ARHGAP24: variants seen among roughly 807,000 people sequenced by gnomAD.
The protein encoded by ARHGAP24 is Rho GTPase activating protein 24.
ARHGAP24 carries 50 observed loss-of-function variants against 76.4 expected under a neutral mutation model. The observed-to-expected ratio is 0.65, with a 90% CI of 0.52 to 0.83. ARHGAP24 has a LOEUF of 0.83. Among genes scored for constraint, ARHGAP24 ranks in the 40% least tolerant of loss-of-function variants. ARHGAP24 has a pLI of 0.00. For missense variants in ARHGAP24, 930 were observed against 914.2 expected (o/e 1.02, Z -0.22); for synonymous variants, 345 against 323.3 (o/e 1.07, Z -0.72).
chr4:85,527,800 C>G (rs1194331375), intron 1 of ARHGAP24, among the ~76,000 whole-genome samples: 1 of 152,130 alleles, frequency 6.6e-6, no homozygotes, highest in Non-Finnish European at 1.5e-5. Flanking sequence ...TTAAATGACT[C>G]TTGAAATTTC....
At chr4:85,749,886 C>A (rs1053128625) in intron 3 of ARHGAP24, among the ~76,000 whole-genome samples, 11 of 152,000 alleles carry the variant, frequency 7.2e-5, no homozygotes, top group African/African-American at 2.7e-4. Context: ...ATAGTTTTAA[C>A]CATAGGTTGT....
rs1428929972 is a variant in ARHGAP24, at chr4:85,721,936, G to T, written c.232G>T (p.Glu78Ter). The T allele has an allele frequency of 6.2e-7, 1 of 1,613,544 alleles. No homozygotes were observed. Among genetic ancestry groups the T allele is most frequent in the South Asian group, 1.1e-5 (1 of 91,066 alleles). The change falls in exon 3 of 10, where the codon GAG becomes TAG. Residue 78 changes from glutamate (E) to a stop codon, truncating the protein, a stop_gained. Transcript: ENST00000395184. LOFTEE classifies it high-confidence loss of function. Reference sequence around the variant, plus strand: ...AGTTTCTGAGCATCCCTGCAATGAAGAGAACCCAGGGAAGTTCCTTTTTGA... The same window carrying T: ...AGTTTCTGAGCATCCCTGCAATGAATAGAACCCAGGGAAGTTCCTTTTTGA... ...NKVSEHPCNE[E>*]NPGKFLFEVV...
intron 2 of ARHGAP24, among the ~76,000 whole-genome samples, chr4:85,637,550 T>C (rs907493743): frequency 1.3e-5 from 2 of 152,088 alleles, no homozygotes; most frequent in African/African-American, 4.8e-5. Context: ...TGGGGCTAAC[T>C]GAGCACTTGA....
intron 3 of ARHGAP24, among the ~76,000 whole-genome samples, chr4:85,772,513 G>A (rs1444142313): frequency 1.3e-5 from 2 of 152,096 alleles, no homozygotes; most frequent in Non-Finnish European, 2.9e-5. Flanking sequence ...AACTGAGTTA[G>A]CCTTCAAACT....
chr4:85,648,207 G>A (rs1227262451), intron 2 of ARHGAP24, among the ~76,000 whole-genome samples: 7 of 152,022 alleles, frequency 4.6e-5, no homozygotes, highest in African/African-American at 1.7e-4. Context: ...CGGAGGGGGA[G>A]CTAGGTAGTT....
At chr4:85,808,147 A>C (rs1482791088) in intron 3 of ARHGAP24, among the ~76,000 whole-genome samples, 1 of 152,210 alleles carries the variant, frequency 6.6e-6, no homozygotes, top group Non-Finnish European at 1.5e-5. Context: ...CAATTCGAAA[A>C]AAATATGCTT....
intron 3 of ARHGAP24, among the ~76,000 whole-genome samples, chr4:85,818,407 A>G (rs1172126684): frequency 6.6e-6 from 1 of 152,242 alleles, no homozygotes; most frequent in Non-Finnish European, 1.5e-5. Flanking sequence ...TAACATTAAA[A>G]ATAATTATAC....
At chr4:85,933,850 T>C (rs1273356811) in intron 4 of ARHGAP24, among the ~76,000 whole-genome samples, 2 of 152,170 alleles carry the variant, frequency 1.3e-5, no homozygotes, top group Non-Finnish European at 2.9e-5. Context: ...TCTATCTTGA[T>C]TTTTTCGTGA....
chr4:85,535,557 A>T (rs2110119372), intron 1 of ARHGAP24, among the ~76,000 whole-genome samples: 1 of 152,332 alleles, frequency 6.6e-6, no homozygotes, highest in South Asian at 2.1e-4. Flanking sequence ...AGAATAAGGG[A>T]TGTGATTTGG....
chr4:85,743,908 A>T (rs1578190519), intron 3 of ARHGAP24, among the ~76,000 whole-genome samples: 1 of 152,380 alleles, frequency 6.6e-6, no homozygotes, highest in East Asian at 1.9e-4. Context: ...GAAGTATGGT[A>T]TCAAGACTGA....
chr4:85,561,315 A>G (rs964837), intron 1 of ARHGAP24, among the ~76,000 whole-genome samples: 90,129 of 152,002 alleles, frequency 0.59, 27,895 homozygotes, highest in Non-Finnish European at 0.68. Flanking sequence ...AAGAAATCCA[A>G]TTGCTTCCCA....
chr4:85,533,371 G>A (rs958953859), intron 1 of ARHGAP24, among the ~76,000 whole-genome samples: 4 of 152,006 alleles, frequency 2.6e-5, no homozygotes, highest in South Asian at 2.1e-4. Flanking sequence ...TTAGACATTT[G>A]CCTTTTTATT....
intron 2 of ARHGAP24, among the ~76,000 whole-genome samples, chr4:85,643,380 T>G (rs1721602440): frequency 8.4e-6 from 1 of 119,336 alleles, no homozygotes; most frequent in Non-Finnish European, 1.7e-5. Context: ...TGCCTCAGCC[T>G]CCCCAGTAGC....
intron 2 of ARHGAP24, among the ~76,000 whole-genome samples, chr4:85,667,900 A>G (rs1347765359): frequency 5.3e-5 from 8 of 152,230 alleles, no homozygotes; most frequent in Admixed American, 5.2e-4. Flanking sequence ...AAGGAAAAGG[A>G]AATACACTTA....
rs918335403 is a variant in ARHGAP24 at position 85,860,998 on chromosome 4, A to ACGCG, written c.269-62647_269-62646insGCGC. 1.6e-3 allele frequency among the ~76,000 whole-genome samples: 208 copies of ACGCG among 130,750 alleles called. 1 individual carries two copies. Among genetic ancestry groups the ACGCG allele is most frequent in the African/African-American group, 8.0e-3 (201 of 25,084 alleles). 85.8% of individuals were successfully genotyped at this position (130,750 alleles called of 152,430 possible). On this transcript the variant is annotated intron_variant, in intron 3 of 9. Coordinates refer to ENST00000395184, the MANE Select transcript of ARHGAP24 (RefSeq NM_001025616.3). The stretch of plus-strand genomic sequence containing the variant: ...AGAACATATATTATTCTGTGCATGC[A>ACGCG]CGCACACACACACACACACACACAC...
At chr4:85,487,782 T>TATACTATATAAATATATATTTATTAC (rs1723170777) in intron 1 of ARHGAP24, among the ~76,000 whole-genome samples, 1 of 108,416 alleles carries the variant, frequency 9.2e-6, no homozygotes, top group African/African-American at 3.8e-5. Flanking sequence ...ATATTTATTA[T>TATACTATATAAATATATATTTATTAC]ATATTATATA....
chr4:85,955,500 T>G (rs1017040606), intron 5 of ARHGAP24, among the ~76,000 whole-genome samples: 3 of 152,222 alleles, frequency 2.0e-5, no homozygotes, highest in African/African-American at 7.2e-5. Context: ...AGTATCTGTT[T>G]CATGCCTGTC....
chr4:85,675,840 T>C (rs1055822744), intron 2 of ARHGAP24, among the ~76,000 whole-genome samples: 2 of 152,188 alleles, frequency 1.3e-5, no homozygotes, highest in Non-Finnish European at 2.9e-5. Flanking sequence ...CTCAAAGTCA[T>C]CAGGCAGGAT....
chr4:85,722,197 A>G (rs1318648958), intron 3 of ARHGAP24: 3 of 478,202 alleles, frequency 6.3e-6, no homozygotes, highest in Non-Finnish European at 1.1e-5. Flanking sequence ...TCATTTGTCC[A>G]TGAGACTCCA....
Sources: gnomAD v4.1 joint callset for allele counts (sites outside exome capture counted in the v4.1 genomes callset) on GRCh38, gnomAD v4.1.1 for gene constraint, MANE v1.5 for transcripts, NCBI Gene and HGNC (gene_info 2026-07-23, HGNC 2026-07-21) for gene names.